The following CFAP92 variants were observed in gnomAD, a reference collection of about 807,000 sequenced individuals.
CFAP92 encodes the protein cilia and flagella associated protein 92 (putative), also known as uncharacterized protein CFAP92.
Under a neutral mutation model 106.3 loss-of-function variants are expected in CFAP92, and 86 were observed. That is an observed-to-expected ratio of 0.81 (90% CI 0.68 to 0.97). The LOEUF (loss-of-function observed/expected upper bound fraction) is 0.97. CFAP92 is among the 50% of genes least tolerant of loss of function. The pLI, the probability that CFAP92 is intolerant of heterozygous loss-of-function variation, is 0.00. For missense variants in CFAP92, 1,204 were observed against 1,283.8 expected (o/e 0.94, Z 0.95); for synonymous variants, 477 against 506.4 (o/e 0.94, Z 0.78).
intron 9 of CFAP92, among the ~76,000 whole-genome samples, chr3:128,958,256 TAG>T (rs1297601592): frequency 1.3e-5 from 2 of 152,150 alleles, no homozygotes; most frequent in African/African-American, 2.4e-5. Context: ...GACAAAAGTA[TAG>T]AGATAGCAAA....
In CFAP92 at chr3:128,945,019, T is replaced by C. The variant is rs190792407; in HGVS notation, c.2258+52A>G. 3 of 1,412,298 alleles carry C rather than the reference T, an allele frequency of 2.1e-6. No homozygotes were observed. In the African/African-American group the frequency reaches 4.3e-5, roughly 20 times the overall value. 87.5% of individuals were successfully genotyped at this position (1,412,298 alleles called of 1,614,324 possible). ...GGCTCTGAAAGACCTCTCCACTCCC[T>C]CGGCATCCAGATGCCATCATTTTTA... On this transcript the variant is annotated intron_variant, in intron 10 of 15. Coordinates refer to ENST00000645291, the MANE Select transcript of CFAP92 (RefSeq NM_001394090.1).
intron 4 of CFAP92, among the ~76,000 whole-genome samples, chr3:128,985,762 G>A (rs1392843565): frequency 1.3e-5 from 2 of 152,182 alleles, no homozygotes; most frequent in East Asian, 1.9e-4. Context: ...TAGTCCAGGT[G>A]AGAAAAATTA....
At chr3:128,951,510 A>T (rs781227146) in intron 9 of CFAP92, among the ~76,000 whole-genome samples, 10 of 150,266 alleles carry the variant, frequency 6.7e-5, no homozygotes, top group African/African-American at 9.8e-5. Flanking sequence ...TGTATATATA[A>T]AAAAAAAATA....
chr3:128,986,292 T>C (rs1207407071), intron 4 of CFAP92, among the ~76,000 whole-genome samples: 1 of 151,744 alleles, frequency 6.6e-6, no homozygotes, highest in Non-Finnish European at 1.5e-5. Context: ...CAGGCTGGTG[T>C]GCAGTCGTAC....
At chr3:128,963,938 G>A (rs1288943262) in intron 9 of CFAP92, among the ~76,000 whole-genome samples, 4 of 152,028 alleles carry the variant, frequency 2.6e-5, no homozygotes, top group African/African-American at 7.3e-5. Context: ...CCCGAGTCAG[G>A]AAACTAAAAT....
intron 3 of CFAP92, 50 bp downstream of exon 3, chr3:128,988,678 C>T (rs779112870): frequency 2.5e-6 from 4 of 1,569,178 alleles, no homozygotes; most frequent in African/African-American, 1.4e-5. Flanking sequence ...GCACACTTTT[C>T]GTGATGAGCA....
chr3:128,910,022 C>A lies in CFAP92; in HGVS notation c.*277G>T. Reference sequence around the variant, plus strand: ...CACTTGGAGCCTCTGTGATCCCAGACCATCATGGAGGAGCAGCTGGTACTG... The same window carrying A: ...CACTTGGAGCCTCTGTGATCCCAGAACATCATGGAGGAGCAGCTGGTACTG... On this transcript the variant is annotated 3_prime_UTR_variant, in exon 16 of 16. Transcript: ENST00000645291. 6.2e-7 allele frequency: 1 copy of A among 1,613,484 alleles called. No homozygotes were observed. Among genetic ancestry groups the A allele is most frequent in the South Asian group, 1.1e-5 (1 of 90,770 alleles).
intron 10 of CFAP92, 78 bp downstream of exon 10, chr3:128,944,993 T>G (rs1023061559): frequency 1.6e-6 from 2 of 1,258,326 alleles, no homozygotes; most frequent in Admixed American, 2.7e-5. Flanking sequence ...AACCTAGGCT[T>G]GGCTCTGAAA....
chr3:128,977,984 C>A (rs761753962), intron 5 of CFAP92, 61 bp downstream of exon 5: 27 of 1,604,922 alleles, frequency 1.7e-5, no homozygotes, highest in Non-Finnish European at 2.2e-5. Flanking sequence ...GCACACCACA[C>A]AACCGCTTTC....
chr3:128,971,121 T>C, intron 8 of CFAP92, 166 bp downstream of exon 8: 2 of 1,057,106 alleles, frequency 1.9e-6, no homozygotes, highest in Non-Finnish European at 2.7e-6. Context: ...CTCTGGGCCT[T>C]TGTTTCCCCC....
the CFAP92 span, among the ~76,000 whole-genome samples, chr3:129,011,548 C>T: frequency 1.4e-5 from 2 of 142,374 alleles, no homozygotes; most frequent in African/African-American, 5.5e-5. Context: ...AAGACTCCGT[C>T]TCAAAAAAAA....
At chr3:128,938,924 C>T (rs1939340063) in intron 10 of CFAP92, among the ~76,000 whole-genome samples, 1 of 152,100 alleles carries the variant, frequency 6.6e-6, no homozygotes, top group African/African-American at 2.4e-5. Flanking sequence ...CAAGCAATCT[C>T]CCAAAAAACA....
chr3:128,979,984 AG>A (rs1943425093), intron 4 of CFAP92, among the ~76,000 whole-genome samples: 1 of 148,138 alleles, frequency 6.8e-6, no homozygotes, highest in Admixed American at 6.8e-5. Context: ...AAGAAAAAAG[AG>A]AAAAAGAAAG....
At chr3:129,007,892 A>G in the CFAP92 span, among the ~76,000 whole-genome samples, 3 of 152,192 alleles carry the variant, frequency 2.0e-5, no homozygotes, top group Admixed American at 2.0e-4. Context: ...GCATTCAACC[A>G]TACTAATTTT....
At chr3:128,928,893 T>A (rs370820598) in intron 12 of CFAP92, among the ~76,000 whole-genome samples, 1 of 152,214 alleles carries the variant, frequency 6.6e-6, no homozygotes, top group Non-Finnish European at 1.5e-5. Flanking sequence ...ATCATATTTC[T>A]CATTAAGTAC....
intron 9 of CFAP92, among the ~76,000 whole-genome samples, chr3:128,947,041 G>A (rs1940283708): frequency 6.6e-6 from 1 of 152,092 alleles, no homozygotes. Context: ...AAAAGACTTG[G>A]GAATGGCAAA....
At chr3:129,000,539 T>C (rs1944674368) in intron 1 of CFAP92, among the ~76,000 whole-genome samples, 1 of 152,314 alleles carries the variant, frequency 6.6e-6, no homozygotes, top group South Asian at 2.1e-4. Flanking sequence ...CGTGGCTGGA[T>C]AACCGTTCCC....
intron 12 of CFAP92, among the ~76,000 whole-genome samples, chr3:128,929,721 A>T (rs1357171694): frequency 6.6e-6 from 1 of 152,234 alleles, no homozygotes; most frequent in Non-Finnish European, 1.5e-5. Flanking sequence ...CAGACAAGTC[A>T]AATCTATCAA....
In CFAP92 at chr3:128,932,772, G is replaced by A. The variant is rs1009860910; in HGVS notation, c.2679C>T (p.His893=). The part of the protein sequence containing the change: ...NSTLTLEIHA[H]QEKYLQWRSA... ...TCCGCCACTGCAGGTACTTCTCCTG[G>A]TGGGCGTGGATCTCTAAGGTGAGGG... Residue 893 remains histidine (H), a synonymous_variant, in exon 12 of 16, where the codon CAC becomes CAT. Transcript: ENST00000645291. The A allele has an allele frequency of 1.7e-5, 26 of 1,536,010 alleles. No homozygotes were observed. In the African/African-American group the frequency reaches 3.1e-4, roughly 19 times the overall value.
Sources: gnomAD v4.1 joint callset for allele counts (sites outside exome capture counted in the v4.1 genomes callset) on GRCh38, gnomAD v4.1.1 for gene constraint, MANE v1.5 for transcripts, NCBI Gene and HGNC (gene_info 2026-07-23, HGNC 2026-07-21) for gene names.